NR3C2: variants seen among roughly 807,000 people sequenced by gnomAD.
NR3C2 encodes mineralocorticoid receptor.
In NR3C2, 15 loss-of-function variants were observed where a neutral mutation model predicts 86.4. The ratio of observed to expected loss-of-function variants is 0.17; its 90% CI spans 0.12 to 0.27. The LOEUF (loss-of-function observed/expected upper bound fraction) is 0.27, where lower values mean the gene tolerates loss of function less well. Among genes scored for constraint, NR3C2 ranks in the 10% least tolerant of loss-of-function variants. The pLI is 1.00. For synonymous variants in NR3C2, 458 were observed against 450.5 expected (o/e 1.02, Z -0.21); for missense variants, 960 against 1,195.6 (o/e 0.80, Z 2.91).
intron 3 of NR3C2, among the ~76,000 whole-genome samples, chr4:148,254,958 C>G (rs1739757763): frequency 6.6e-6 from 1 of 152,010 alleles, no homozygotes; most frequent in African/African-American, 2.4e-5. Context: ...ACATTGCCAG[C>G]TATAAGGAGA....
Position 148,316,041 on chromosome 4 carries a change from C to A in NR3C2, c.1758-55924G>T, listed in dbSNP as rs186118823. Reference sequence around the variant, plus strand: ...TATGAGGGAAAACCAATAATGCCAACTAGAATGGTTAAAAGTAGAAAAACA... The same window carrying A: ...TATGAGGGAAAACCAATAATGCCAAATAGAATGGTTAAAAGTAGAAAAACA... On this transcript the variant is annotated intron_variant, in intron 2 of 8. Coordinates refer to ENST00000358102, the MANE Select transcript of NR3C2 (RefSeq NM_000901.5). Among the ~76,000 whole-genome samples the A allele has an allele frequency of 4.9e-4, 75 of 152,196 alleles. 1 individual carries two copies. The East Asian group carries it at 0.012, about 24-fold the overall frequency.
chr4:148,296,523 A>G (rs935174126), intron 2 of NR3C2, among the ~76,000 whole-genome samples: 8 of 152,104 alleles, frequency 5.3e-5, no homozygotes, highest in African/African-American at 1.9e-4. Context: ...CCTTAAGAAA[A>G]CTGGATTTCT....
At position 148,154,771 on chromosome 4, in the gene NR3C2, T is replaced by C. The variant is rs1734273579; in HGVS notation, c.2145A>G (p.Lys715=). The change falls in exon 5 of 9, where the codon AAA becomes AAG. Residue 715 remains lysine (K), a synonymous_variant. Transcript: ENST00000358102. ...EEGTTYIAPA[K]EPSVNTALVP... ...CCAGTGCTGTGTTGACCGAGGGTTC[T>C]TTTGCAGGAGCGATGTACGTTGTCC... The C allele has an allele frequency of 6.5e-7, 1 of 1,536,938 alleles. No individual in the cohort carries two copies. Among genetic ancestry groups the C allele is most frequent in the South Asian group, 1.1e-5 (1 of 90,010 alleles).
chr4:148,381,038 C>T (rs1436502400), intron 2 of NR3C2, among the ~76,000 whole-genome samples: 1 of 151,952 alleles, frequency 6.6e-6, no homozygotes, highest in Non-Finnish European at 1.5e-5. Flanking sequence ...ACCAGCCTGG[C>T]TAACACAGCA....
intron 2 of NR3C2, among the ~76,000 whole-genome samples, chr4:148,385,025 C>T (rs1206538896): frequency 1.3e-5 from 2 of 152,178 alleles, no homozygotes; most frequent in African/African-American, 4.8e-5. Context: ...TGGATAATTG[C>T]TCCTCTGGTG....
intron 6 of NR3C2, 79 bp downstream of exon 6, chr4:148,152,388 ATC>A: frequency 6.8e-7 from 1 of 1,478,876 alleles, no homozygotes; most frequent in South Asian, 1.2e-5. Flanking sequence ...ACCAACGTAC[ATC>A]TGTTTAGAAA....
chr4:148,401,657 T>C (rs1170397994), intron 2 of NR3C2, among the ~76,000 whole-genome samples: 4 of 151,954 alleles, frequency 2.6e-5, no homozygotes, highest in Non-Finnish European at 5.9e-5. Context: ...AGAGACGGGA[T>C]TTCACCTCGT....
chr4:148,386,623 A>G (rs1747273925), intron 2 of NR3C2, among the ~76,000 whole-genome samples: 1 of 152,186 alleles, frequency 6.6e-6, no homozygotes, highest in Non-Finnish European at 1.5e-5. Flanking sequence ...GAATGAAGCG[A>G]TTTGTTCAGC....
intron 1 of NR3C2, among the ~76,000 whole-genome samples, chr4:148,439,744 T>C (rs1750247635): frequency 6.6e-6 from 1 of 152,242 alleles, no homozygotes; most frequent in South Asian, 2.1e-4. Context: ...CACTCCACCT[T>C]TTTCTCAAAG....
chr4:148,322,722 A>T (rs1255193653), intron 2 of NR3C2, among the ~76,000 whole-genome samples: 38 of 121,754 alleles, frequency 3.1e-4, no homozygotes, highest in African/African-American at 1.2e-3. Context: ...CTTGGTTTTC[A>T]GCTCCATCAG....
At chr4:148,157,090 A>G (rs184682418) in intron 4 of NR3C2, among the ~76,000 whole-genome samples, 6 of 141,756 alleles carry the variant, frequency 4.2e-5, no homozygotes, top group African/African-American at 1.3e-4. Flanking sequence ...TCACTCATAG[A>G]TGGGGACTGA....
chr4:148,169,729 T>A (rs190387814), intron 4 of NR3C2, among the ~76,000 whole-genome samples: 9 of 152,308 alleles, frequency 5.9e-5, no homozygotes, highest in African/African-American at 2.2e-4. Context: ...ACAGAGATGA[T>A]CATATTTCTT....
chr4:148,264,920 A>AT (rs1246125526), intron 2 of NR3C2, among the ~76,000 whole-genome samples: 3 of 152,190 alleles, frequency 2.0e-5, no homozygotes, highest in Non-Finnish European at 4.4e-5. Flanking sequence ...TGTGCTGCTG[A>AT]TTTTGGTTAA....
At chr4:148,129,301 AGCTATCT>A (rs1248351809) in intron 6 of NR3C2, among the ~76,000 whole-genome samples, 7 of 152,320 alleles carry the variant, frequency 4.6e-5, no homozygotes, top group Non-Finnish European at 8.8e-5. Flanking sequence ...CACTTATATG[AGCTATCT>A]AAAGTAGTCA....
Position 148,325,510 on chromosome 4 carries a change from T to C in NR3C2, c.1758-65393A>G, listed in dbSNP as rs978630699. ...TGGATGTAAGGCTAGCATGAAGTTA[T>C]GACATTACATTAATGTGCAGTAACA... On this transcript the variant is annotated intron_variant, in intron 2 of 8. Coordinates refer to ENST00000358102, the MANE Select transcript of NR3C2 (RefSeq NM_000901.5). Among the ~76,000 whole-genome samples the C allele has an allele frequency of 4.6e-5, 6 of 130,328 alleles. No individual in the cohort carries two copies. The South Asian group carries it at 1.3e-3, about 28-fold the overall frequency. 85.5% of individuals were successfully genotyped at this position (130,328 alleles called of 152,430 possible).
chr4:148,420,892 C>T (rs183211898), intron 2 of NR3C2, among the ~76,000 whole-genome samples: 1 of 152,312 alleles, frequency 6.6e-6, no homozygotes, highest in East Asian at 1.9e-4. Flanking sequence ...TCCACCATGG[C>T]TGCAAGTTTC....
At chr4:148,318,502 AG>A (rs1743347593) in intron 2 of NR3C2, among the ~76,000 whole-genome samples, 1 of 150,202 alleles carries the variant, frequency 6.7e-6, no homozygotes, top group Admixed American at 6.6e-5. Flanking sequence ...ACAGTGTAAA[AG>A]TGTTCCTATT....
intron 4 of NR3C2, among the ~76,000 whole-genome samples, chr4:148,157,876 A>G (rs1734475798): frequency 6.6e-6 from 1 of 152,232 alleles, no homozygotes; most frequent in African/African-American, 2.4e-5. Flanking sequence ...TATCACGTTC[A>G]TCACAGAAAA....
intron 3 of NR3C2, among the ~76,000 whole-genome samples, chr4:148,213,924 G>C (rs905934081): frequency 1.3e-5 from 2 of 152,188 alleles, no homozygotes; most frequent in Admixed American, 1.3e-4. Context: ...CTTGAAGCTT[G>C]AATATTAAAT....
Sources: allele counts gnomAD v4.1 joint callset (sites outside exome capture counted in the v4.1 genomes callset), GRCh38; gene constraint gnomAD v4.1.1; transcripts MANE v1.5; gene names NCBI Gene and HGNC (gene_info 2026-07-23, HGNC 2026-07-21).